The following KTN1 variants were observed in gnomAD, a reference collection of about 807,000 sequenced individuals.
The protein encoded by KTN1 is kinectin 1.
In KTN1, 130 loss-of-function variants were observed where a neutral mutation model predicts 222.5. The ratio of observed to expected loss-of-function variants is 0.58; its 90% CI spans 0.51 to 0.68. The LOEUF is 0.68. Ranked by LOEUF, KTN1 falls within the 30% of genes least tolerant of loss-of-function variation. The pLI is 0.00. For missense variants in KTN1, 1,508 were observed against 1,500.4 expected (o/e 1.01, Z -0.08); for synonymous variants, 512 against 496.3 (o/e 1.03, Z -0.42).
At chr14:55,635,502 T>G (rs550211850) in intron 9 of KTN1, among the ~76,000 whole-genome samples, 3 of 152,184 alleles carry the variant, frequency 2.0e-5, no homozygotes, top group Non-Finnish European at 4.4e-5. Flanking sequence ...ACTCGACCCA[T>G]GATGTACAAA....
intron 43 of KTN1, chr14:55,680,836 T>C (rs2046304651): frequency 1.6e-6 from 1 of 615,370 alleles, no homozygotes; most frequent in Non-Finnish European, 2.8e-6. Flanking sequence ...AAATCTTTTA[T>C]CCTTGGTAAG....
In KTN1 at chr14:55,672,703, T is replaced by C; in HGVS notation, c.3603+2T>C. ...AGCGAAAATAAGGATATTGAAAATGTATGTTATTTGATTGTTTTACTTGTA... is the reference window on the plus strand; with the variant it reads ...AGCGAAAATAAGGATATTGAAAATGCATGTTATTTGATTGTTTTACTTGTA... On this transcript the variant is annotated splice_donor_variant, in intron 38 of 43. Transcript: ENST00000395314. LOFTEE classifies it high-confidence loss of function. The C allele has an allele frequency of 6.4e-7, 1 of 1,561,932 alleles. No individual in the cohort carries two copies. The highest frequency in any genetic ancestry group is 8.8e-7 in the Non-Finnish European group (1 of 1,133,534).
intron 1 of KTN1, 165 bp from the exon 2 acceptor site, chr14:55,611,854 G>A (rs142772514): frequency 5.8e-6 from 2 of 346,704 alleles, no homozygotes; most frequent in African/African-American, 4.2e-5. Context: ...ATGAATTGTA[G>A]TTGGCAAATA....
At chr14:55,679,465 T>A in intron 42 of KTN1, 100 bp from the exon 43 acceptor site, 3 of 932,594 alleles carry the variant, frequency 3.2e-6, no homozygotes, top group Non-Finnish European at 4.8e-6. Flanking sequence ...GATTTTTTAA[T>A]GTTTGTGTTT....
Position 55,619,199 on chromosome 14 carries a change from T to C in KTN1, c.850T>C (p.Phe284Leu). ...ETDKENAEVK[F>L]KDFLLSLKTM... is the part of the protein sequence containing the mutation. ...AAATTAAGAAAATGCTGAAGTGAAG[T>C]TTAAAGATTTTCTTCTGTCCTTGAA... The change falls in exon 5 of 44, where the codon TTT becomes CTT. Residue 284 changes from phenylalanine (F) to leucine (L), a missense_variant. Coordinates refer to ENST00000395314, the MANE Select transcript of KTN1 (RefSeq NM_001079521.2). The C allele has an allele frequency of 6.2e-7, 1 of 1,606,310 alleles. No homozygotes were observed. Among genetic ancestry groups the C allele is most frequent in the Non-Finnish European group, 8.5e-7 (1 of 1,174,304 alleles).
At chr14:55,666,659 T>TA (rs2044781528) in intron 33 of KTN1, among the ~76,000 whole-genome samples, 11 of 151,934 alleles carry the variant, frequency 7.2e-5, no homozygotes, top group Admixed American at 7.2e-4. Flanking sequence ...AGTGAAGTAA[T>TA]ATGCCATCAG....
chr14:55,671,478 A>G (rs977913559), intron 35 of KTN1, 88 bp from the exon 36 acceptor site: 6 of 852,730 alleles, frequency 7.0e-6, no homozygotes, highest in African/African-American at 3.4e-5. Flanking sequence ...ACCATTTATC[A>G]TAATACAGTA....
Position 55,647,010 on chromosome 14 carries a change from A to G in KTN1, c.2207+3A>G. The G allele has an allele frequency of 6.7e-7, 1 of 1,499,586 alleles. No homozygotes were observed. The highest frequency in any genetic ancestry group is 9.3e-7 in the Non-Finnish European group (1 of 1,079,218). The allele number at this position is 1,499,586 out of a possible 1,614,324, so 92.9% of individuals were successfully genotyped here. A position where few individuals can be genotyped will look rare whatever the true frequency, so the allele number is the denominator to read the frequency against. On this transcript the variant is annotated splice_donor_region_variant and intron_variant, in intron 19 of 43. Coordinates refer to ENST00000395314, the MANE Select transcript of KTN1 (RefSeq NM_001079521.2). ...GTTGTGGAACAAATGGAAAAATGGT[A>G]AGAGTTTAGTTTTCTTTTTATATTT...
rs539097277 is a variant in KTN1, at chr14:55,633,322, A to G, written c.1309A>G (p.Thr437Ala). The G allele has an allele frequency of 2.7e-5, 42 of 1,569,782 alleles. No individual in the cohort carries two copies. Among genetic ancestry groups the G allele is most frequent in the Non-Finnish European group, 3.3e-5 (38 of 1,156,510 alleles). The change falls in exon 8 of 44, where the codon ACA becomes GCA. Residue 437 changes from threonine (T) to alanine (A), a missense_variant. Transcript: ENST00000395314. Reference protein sequence around the residue: ...GILRDAVSNTTNQLESKQSAE... With the variant: ...GILRDAVSNTANQLESKQSAE... ...ACTGAGAGATGCAGTCAGCAACACT[A>G]CAAATCAACTGGAAAGCAAGTATGT...
chr14:55,648,374 C>T lies in KTN1; in HGVS notation c.2298+259C>T, dbSNP rs527356248. The stretch of plus-strand genomic sequence containing the variant: ...CACCAAAATTATAACCAAATGATAA[C>T]TAGCAGACTTAATTCATGAAATAGT... On this transcript the variant is annotated intron_variant, in intron 20 of 43. Transcript: ENST00000395314. 2.8e-3 allele frequency among the ~76,000 whole-genome samples: 420 copies of T among 152,282 alleles called. 6 individuals carry two copies. The highest frequency in any genetic ancestry group is 3.9e-3 in the Non-Finnish European group (264 of 68,022).
chr14:55,621,102 A>G (rs562589250), intron 5 of KTN1, among the ~76,000 whole-genome samples: 77 of 152,310 alleles, frequency 5.1e-4, no homozygotes, highest in African/African-American at 1.7e-3. Context: ...TAATGCCACC[A>G]GTCTCTTTGC....
At chr14:55,670,495 A>G (rs2045342646) in intron 34 of KTN1, among the ~76,000 whole-genome samples, 1 of 151,916 alleles carries the variant, frequency 6.6e-6, no homozygotes, top group Non-Finnish European at 1.5e-5. Flanking sequence ...GGTATATAAT[A>G]TTTTATTTTG....
intron 1 of KTN1, among the ~76,000 whole-genome samples, chr14:55,595,154 A>G (rs12879017): frequency 6.6e-6 from 1 of 152,076 alleles, no homozygotes; most frequent in Admixed American, 6.6e-5. Context: ...TACTGTATGT[A>G]CAGTATAGAT....
chr14:55,605,715 A>T (rs1024638932), intron 1 of KTN1, among the ~76,000 whole-genome samples: 1 of 152,178 alleles, frequency 6.6e-6, no homozygotes, highest in African/African-American at 2.4e-5. Flanking sequence ...GCTATTCACT[A>T]ATCTTAAAAT....
intron 1 of KTN1, among the ~76,000 whole-genome samples, chr14:55,590,297 G>A (rs1201841561): frequency 6.6e-6 from 1 of 152,190 alleles, no homozygotes; most frequent in Non-Finnish European, 1.5e-5. Flanking sequence ...AATGTATAAT[G>A]TATATGTACA....
chr14:55,602,121 A>G (rs899329139), intron 1 of KTN1, among the ~76,000 whole-genome samples: 2 of 152,242 alleles, frequency 1.3e-5, no homozygotes, highest in Non-Finnish European at 2.9e-5. Flanking sequence ...TCTACTGATT[A>G]GAAATAACTT....
intron 1 of KTN1, among the ~76,000 whole-genome samples, chr14:55,593,650 A>G (rs2140386186): frequency 6.6e-6 from 1 of 152,250 alleles, no homozygotes; most frequent in African/African-American, 2.4e-5. Flanking sequence ...ATAACAAAAT[A>G]CTTGCAAAGC....
intron 5 of KTN1, among the ~76,000 whole-genome samples, chr14:55,620,329 A>G (rs1477310315): frequency 6.6e-6 from 1 of 152,054 alleles, no homozygotes; most frequent in Admixed American, 6.6e-5. Flanking sequence ...TGGCTCTACC[A>G]TTCTGGGATC....
At chr14:55,625,073 G>A (rs1437705162) in intron 5 of KTN1, among the ~76,000 whole-genome samples, 1 of 152,142 alleles carries the variant, frequency 6.6e-6, no homozygotes, top group Non-Finnish European at 1.5e-5. Flanking sequence ...TGAGGCACTT[G>A]AGAGTGTGGT....
Sources: gnomAD v4.1 joint callset for allele counts (sites outside exome capture counted in the v4.1 genomes callset) on GRCh38, gnomAD v4.1.1 for gene constraint, MANE v1.5 for transcripts, NCBI Gene and HGNC (gene_info 2026-07-23, HGNC 2026-07-21) for gene names.